ARB2A: variants seen among roughly 807,000 people sequenced by gnomAD.
ARB2A encodes ARB2 cotranscriptional regulator A.
At chr5:93,784,431 AT>A in the ARB2A span, 1 of 1,613,506 alleles carries the variant, frequency 6.2e-7, no homozygotes, top group East Asian at 2.2e-5. Context: ...GATGCCACAC[AT>A]TGTGAACAGA....
the ARB2A span, among the ~76,000 whole-genome samples, chr5:93,788,016 C>T: frequency 6.6e-6 from 1 of 152,170 alleles, no homozygotes; most frequent in Non-Finnish European, 1.5e-5. Flanking sequence ...CATTTATCCA[C>T]TCATAGTGTT....
At chr5:93,627,456 T>G in the ARB2A span, among the ~76,000 whole-genome samples, 1 of 149,936 alleles carries the variant, frequency 6.7e-6, no homozygotes, top group East Asian at 1.9e-4. Context: ...TTTTTTTTTT[T>G]TTTTTGAGAT....
the ARB2A span, among the ~76,000 whole-genome samples, chr5:93,790,067 G>A: frequency 6.6e-6 from 1 of 152,180 alleles, no homozygotes; most frequent in East Asian, 1.9e-4. Flanking sequence ...TTCAAGGACG[G>A]TGGAGTCAGA....
At chr5:93,835,885 A>C in the ARB2A span, among the ~76,000 whole-genome samples, 1 of 152,154 alleles carries the variant, frequency 6.6e-6, no homozygotes, top group African/African-American at 2.4e-5. Context: ...CTTTCTTCTA[A>C]AAAGTTAAGG....
the ARB2A span, among the ~76,000 whole-genome samples, chr5:93,791,344 G>A: frequency 4.6e-5 from 7 of 152,192 alleles, no homozygotes; most frequent in Non-Finnish European, 5.9e-5. Context: ...TATATAACAC[G>A]ATGTTGAATG....
chr5:93,898,392 C>G, the ARB2A span, among the ~76,000 whole-genome samples: 9 of 151,938 alleles, frequency 5.9e-5, no homozygotes, highest in Non-Finnish European at 1.3e-4. Context: ...ATGGTACTCT[C>G]CTGCTCCTCA....
At chr5:93,703,159 C>A in the ARB2A span, among the ~76,000 whole-genome samples, 12 of 152,292 alleles carry the variant, frequency 7.9e-5, no homozygotes, top group East Asian at 2.3e-3. Flanking sequence ...AACACATACA[C>A]AATATATTTG....
chr5:93,695,475 C>T, the ARB2A span, among the ~76,000 whole-genome samples: 1 of 152,170 alleles, frequency 6.6e-6, no homozygotes, highest in African/African-American at 2.4e-5. Flanking sequence ...CAAATCAAAA[C>T]TACAATGAGA....
chr5:93,827,042 G>A, the ARB2A span, among the ~76,000 whole-genome samples: 1 of 151,900 alleles, frequency 6.6e-6, no homozygotes, highest in African/African-American at 2.4e-5. Flanking sequence ...TGTGAATAGT[G>A]CCGCAATAAA....
chr5:93,870,187 G>A, the ARB2A span, among the ~76,000 whole-genome samples: 1 of 152,184 alleles, frequency 6.6e-6, no homozygotes, highest in Non-Finnish European at 1.5e-5. Flanking sequence ...GGGTCACTAT[G>A]GACTGACATT....
the ARB2A span, among the ~76,000 whole-genome samples, chr5:93,980,946 T>C: frequency 3.9e-5 from 6 of 152,196 alleles, no homozygotes; most frequent in African/African-American, 1.4e-4. Flanking sequence ...GCTTAAGGCA[T>C]ACCACCTTCA....
At chr5:94,000,287 TGA>T in the ARB2A span, among the ~76,000 whole-genome samples, 16 of 152,094 alleles carry the variant, frequency 1.1e-4, no homozygotes, top group African/African-American at 3.9e-4. Context: ...CAGCAATAAA[TGA>T]GAGTTCCTAT....
At chr5:93,742,069 C>T in the ARB2A span, among the ~76,000 whole-genome samples, 1 of 152,116 alleles carries the variant, frequency 6.6e-6, no homozygotes, top group Non-Finnish European at 1.5e-5. Context: ...CTTTGCACAT[C>T]CCCAGTCCCT....
chr5:93,804,635 C>T, the ARB2A span, among the ~76,000 whole-genome samples: 3 of 151,810 alleles, frequency 2.0e-5, no homozygotes, highest in East Asian at 3.9e-4. Flanking sequence ...GGAGTTAATG[C>T]TTGCTTATTA....
At chr5:93,695,674 C>T in the ARB2A span, among the ~76,000 whole-genome samples, 5 of 152,164 alleles carry the variant, frequency 3.3e-5, no homozygotes, top group Non-Finnish European at 7.3e-5. Context: ...ACCCAGCAAT[C>T]TCATTACTGG....
At chr5:93,805,206 G>A in the ARB2A span, 1 of 984,932 alleles carries the variant, frequency 1.0e-6, no homozygotes, top group East Asian at 1.1e-4. Context: ...TAATGAGAAC[G>A]GGGTTGAAAT....
the ARB2A span, among the ~76,000 whole-genome samples, chr5:93,702,037 C>T: frequency 6.6e-6 from 1 of 152,082 alleles, no homozygotes; most frequent in Non-Finnish European, 1.5e-5. Flanking sequence ...AGCTTTAATC[C>T]TTCTTTTACT....
the ARB2A span, among the ~76,000 whole-genome samples, chr5:93,790,081 C>T: frequency 6.6e-6 from 1 of 152,088 alleles, no homozygotes; most frequent in East Asian, 1.9e-4. Flanking sequence ...AGTCAGATTC[C>T]CTGGGTTCAA....
At chr5:94,028,880 T>C in the ARB2A span, among the ~76,000 whole-genome samples, 30 of 152,154 alleles carry the variant, frequency 2.0e-4, no homozygotes, top group African/African-American at 6.3e-4. Context: ...AATACCGTTA[T>C]CTCCCTTAAG....
Sources: allele counts gnomAD v4.1 joint callset (sites outside exome capture counted in the v4.1 genomes callset), GRCh38; gene constraint gnomAD v4.1.1; transcripts MANE v1.5; gene names NCBI Gene and HGNC (gene_info 2026-07-23, HGNC 2026-07-21).